The following NAV3 variants were observed in gnomAD, a reference collection of about 807,000 sequenced individuals.
The protein encoded by NAV3 is pore membrane and/or filament interacting like protein 1.
In NAV3, 87 loss-of-function variants were observed where a neutral mutation model predicts 244.7. The observed-to-expected ratio is 0.36, with a 90% CI of 0.30 to 0.42. The LOEUF (loss-of-function observed/expected upper bound fraction) is 0.42, where lower values mean the gene tolerates loss of function less well. NAV3 is among the 20% of genes least tolerant of loss of function. NAV3 has a pLI of 1.00. For missense variants in NAV3, 2,663 were observed against 2,893.3 expected (o/e 0.92, Z 1.83); for synonymous variants, 1,126 against 1,042.2 (o/e 1.08, Z -1.55).
chr12:77,938,779 C>A lies in NAV3; in HGVS notation c.244-1540C>A, dbSNP rs1393979362. Among the ~76,000 whole-genome samples the A allele has an allele frequency of 3.3e-5, 5 of 152,054 alleles. No homozygotes were observed. In the East Asian group the frequency reaches 9.7e-4, roughly 29 times the overall value. Reference sequence around the variant, plus strand: ...TTTAAACAAGTCAAATATCTATCAACTGGGGGATTGATATATATAATGCAA... The same window carrying A: ...TTTAAACAAGTCAAATATCTATCAAATGGGGGATTGATATATATAATGCAA... On this transcript the variant is annotated intron_variant, in intron 1 of 39. Transcript: ENST00000397909.
intron 2 of NAV3, among the ~76,000 whole-genome samples, chr12:77,742,101 G>A (rs745522519): frequency 1.3e-4 from 19 of 151,792 alleles, no homozygotes; most frequent in Non-Finnish European, 2.8e-4. Flanking sequence ...TTCTTCACTA[G>A]TATACCTAAA....
rs1360919422 is a variant in NAV3 at position 77,886,414 on chromosome 12, A to G, written c.244-53905A>G. On this transcript the variant is annotated intron_variant, in intron 1 of 39. Coordinates refer to ENST00000397909, the MANE Select transcript of NAV3 (RefSeq NM_001024383.2). ...ACTTAACATGCTAAACAGAATGTAC[A>G]TATGGGTCTAACATGTTGGAATCTA... is the stretch of plus-strand genomic sequence containing the variant. 2.0e-5 allele frequency among the ~76,000 whole-genome samples: 3 copies of G among 152,318 alleles called. No homozygotes were observed. In the East Asian group the frequency reaches 5.8e-4, roughly 29 times the overall value.
At chr12:77,964,008 CTCCCTCCTCT>C (rs1450150638) in intron 3 of NAV3, among the ~76,000 whole-genome samples, 11 of 147,772 alleles carry the variant, frequency 7.4e-5, no homozygotes, top group Admixed American at 2.0e-4. Context: ...CTCCCTCCTC[CTCCCTCCTCT>C]TCCCTCCTCC....
At chr12:77,977,674 T>G (rs1426925326) in intron 5 of NAV3, among the ~76,000 whole-genome samples, 1 of 146,276 alleles carries the variant, frequency 6.8e-6, no homozygotes, top group African/African-American at 2.5e-5. Flanking sequence ...AGTGTTTAGA[T>G]AGGAGATATA....
chr12:77,669,853 A>C (rs796969214), intron 2 of NAV3, among the ~76,000 whole-genome samples: 9 of 152,102 alleles, frequency 5.9e-5, no homozygotes. Flanking sequence ...GGACTTAACA[A>C]ATATTTAATG....
chr12:77,736,792 C>T (rs1877353964), intron 2 of NAV3, among the ~76,000 whole-genome samples: 1 of 152,210 alleles, frequency 6.6e-6, no homozygotes, highest in African/African-American at 2.4e-5. Context: ...TATGTCACCA[C>T]AGGAATGTTG....
intron 4 of NAV3, 43 bp from the exon 5 acceptor site, chr12:77,968,476 T>G (rs1209055912): frequency 1.3e-6 from 2 of 1,486,940 alleles, no homozygotes; most frequent in East Asian, 4.5e-5. Flanking sequence ...AAAAGGACAT[T>G]AAATACATAT....
chr12:78,021,319 T>A (rs1044044688), intron 8 of NAV3, among the ~76,000 whole-genome samples: 2 of 152,134 alleles, frequency 1.3e-5, no homozygotes, highest in Non-Finnish European at 2.9e-5. Flanking sequence ...AATTATTTTT[T>A]ATTTTTACAC....
chr12:77,886,606 G>A (rs1313361521), intron 1 of NAV3, among the ~76,000 whole-genome samples: 3 of 152,148 alleles, frequency 2.0e-5, no homozygotes, highest in Non-Finnish European at 1.5e-5. Flanking sequence ...GATGTAGATA[G>A]AGCCCCCATT....
intron 5 of NAV3, among the ~76,000 whole-genome samples, chr12:77,980,362 A>G (rs1042268505): frequency 6.6e-6 from 1 of 152,122 alleles, no homozygotes; most frequent in African/African-American, 2.4e-5. Context: ...AATTATAAGG[A>G]CTTGATAGAC....
At chr12:77,771,056 C>T (rs1327951190) in intron 2 of NAV3, among the ~76,000 whole-genome samples, 1 of 152,008 alleles carries the variant, frequency 6.6e-6, no homozygotes, top group African/African-American at 2.4e-5. Context: ...TGAACTGAAA[C>T]AAATTTACAA....
At chr12:77,784,863 A>G (rs1870831609) in intron 2 of NAV3, among the ~76,000 whole-genome samples, 1 of 152,174 alleles carries the variant, frequency 6.6e-6, no homozygotes, top group African/African-American at 2.4e-5. Context: ...AAGAGTCAGT[A>G]GTAGAACTCA....
chr12:77,873,166 G>A (rs944799673), intron 1 of NAV3, among the ~76,000 whole-genome samples: 1 of 152,094 alleles, frequency 6.6e-6, no homozygotes, highest in African/African-American at 2.4e-5. Flanking sequence ...TGATTGTGAG[G>A]CCTCTCCAGC....
chr12:77,858,103 G>A (rs1878673049), intron 1 of NAV3, among the ~76,000 whole-genome samples: 1 of 151,992 alleles, frequency 6.6e-6, no homozygotes, highest in South Asian at 2.1e-4. Flanking sequence ...GAGTTCCAAG[G>A]GAGTTAGGAA....
At chr12:77,646,932 C>T (rs925085507) in intron 2 of NAV3, among the ~76,000 whole-genome samples, 1 of 151,960 alleles carries the variant, frequency 6.6e-6, no homozygotes, top group African/African-American at 2.4e-5. Flanking sequence ...TTGAACCATC[C>T]GAGCTTGCTG....
intron 12 of NAV3, among the ~76,000 whole-genome samples, chr12:78,082,234 C>T (rs946322706): frequency 1.3e-5 from 2 of 152,168 alleles, no homozygotes; most frequent in Admixed American, 6.5e-5. Flanking sequence ...AACTTCTTTC[C>T]TTTATAAATT....
intron 2 of NAV3, among the ~76,000 whole-genome samples, chr12:77,785,188 T>C (rs940282339): frequency 2.6e-5 from 4 of 152,130 alleles, no homozygotes; most frequent in Admixed American, 6.5e-5. Flanking sequence ...GTAGTCCTTA[T>C]GCCTCCATGC....
At position 78,050,768 on chromosome 12, in the gene NAV3, C is replaced by T. The variant is rs371271292; in HGVS notation, c.2137C>T (p.Leu713=). Residue 713 remains leucine, a synonymous_variant, in exon 11 of 40, where the codon CTG becomes TTG. Transcript: ENST00000397909. ...TTTCTCCATTTTATTTGACAGCACC[C>T]TGGAGACAACATTTGACAGCACTGT... is the stretch of plus-strand genomic sequence containing the variant. ...LRGTQISHST[L]ETTFDSTVTT... 1 of 1,592,588 alleles carries T rather than the reference C, an allele frequency of 6.3e-7. No individual in the cohort carries two copies. Among genetic ancestry groups the T allele is most frequent in the South Asian group, 1.1e-5 (1 of 89,026 alleles).
intron 24 of NAV3, among the ~76,000 whole-genome samples, chr12:78,170,935 G>A (rs1423741957): frequency 3.3e-5 from 5 of 151,596 alleles, no homozygotes; most frequent in African/African-American, 4.8e-5. Context: ...TTTATTTAAG[G>A]TATGTCTTTC....
Sources: allele counts gnomAD v4.1 joint callset (sites outside exome capture counted in the v4.1 genomes callset), GRCh38; gene constraint gnomAD v4.1.1; transcripts MANE v1.5; gene names NCBI Gene and HGNC (gene_info 2026-07-23, HGNC 2026-07-21).